Variants in FCRL5 observed in about 807,000 individuals in gnomAD.
FCRL5 encodes Fc receptor like 5.
FCRL5 carries 79 observed loss-of-function variants against 92.1 expected under a neutral mutation model. The ratio of observed to expected loss-of-function variants is 0.86; its 90% CI spans 0.72 to 1.03. The LOEUF is 1.03. Among genes scored for constraint, FCRL5 ranks in the 50% least tolerant of loss-of-function variants. The pLI, the probability that FCRL5 is intolerant of heterozygous loss-of-function variation, is 0.00. For missense variants in FCRL5, 1,160 were observed against 1,181.1 expected (o/e 0.98, Z 0.26); for synonymous variants, 466 against 469.3 (o/e 0.99, Z 0.09).
In FCRL5 at chr1:157,552,388, G is replaced by T; in HGVS notation, c.-26C>A. On this transcript the variant is annotated 5_prime_UTR_variant, in exon 1 of 17. Coordinates refer to ENST00000361835, the MANE Select transcript of FCRL5 (RefSeq NM_031281.3). ...GAAGACCTGGACCACCAAGGGCTGA[G>T]ATCAAAAGAGAAGTTTCCTCAATTC... is the stretch of plus-strand genomic sequence containing the variant. 6.2e-7 allele frequency: 1 copy of T among 1,613,846 alleles called. No homozygotes were observed. Among genetic ancestry groups the T allele is most frequent in the South Asian group, 1.1e-5 (1 of 91,068 alleles).
chr1:157,542,592 G>A lies in FCRL5; in HGVS notation c.1123+267C>T, dbSNP rs148405762. 8.3e-3 allele frequency: 3,719 copies of A among 446,332 alleles called. 27 individuals carry two copies. The highest frequency in any genetic ancestry group is 0.013 in the South Asian group (284 of 22,392). The allele number at this position is 446,332 out of a possible 1,614,324, so 27.6% of individuals were successfully genotyped here. A position where few individuals can be genotyped will look rare whatever the true frequency, so the allele number is the denominator to read the frequency against. On this transcript the variant is annotated intron_variant, in intron 6 of 16. Coordinates refer to ENST00000361835, the MANE Select transcript of FCRL5 (RefSeq NM_031281.3). ...GCCACAGGACAAGTGGAAAGCACAA[G>A]AAAAGCACTTGGCTTCTCAGAAATT...
chr1:157,543,523 G>A (rs1321953521), intron 5 of FCRL5, among the ~76,000 whole-genome samples: 2 of 152,188 alleles, frequency 1.3e-5, no homozygotes, highest in African/African-American at 2.4e-5. Context: ...ACTGAGTCAA[G>A]GAGAGACTAG....
intron 10 of FCRL5, chr1:157,522,710 C>G (rs1190693144): frequency 1.3e-5 from 2 of 152,202 alleles, no homozygotes; most frequent in Non-Finnish European, 2.9e-5. Flanking sequence ...ACAATTCATT[C>G]AGGCTGGGCA....
At chr1:157,522,374 T>C (rs1324429499) in intron 10 of FCRL5, 1 of 152,248 alleles carries the variant, frequency 6.6e-6, no homozygotes, top group Non-Finnish European at 1.5e-5. Context: ...ATCAGACTAA[T>C]GTGAAGAGTT....
intron 2 of FCRL5, 60 bp downstream of exon 2, chr1:157,549,500 T>A: frequency 6.7e-7 from 1 of 1,490,618 alleles, no homozygotes; most frequent in Non-Finnish European, 9.2e-7. Context: ...TGTTTTCTAT[T>A]TATTAGGAAG....
At position 157,534,627 on chromosome 1, in the gene FCRL5, G is replaced by A. The variant is rs1369420246; in HGVS notation, c.1668C>T (p.Ser556=). 1 of 1,614,034 alleles carries A rather than the reference G, an allele frequency of 6.2e-7. No homozygotes were observed. The highest frequency in any genetic ancestry group is 1.3e-5 in the African/African-American group (1 of 74,914). The stretch of plus-strand genomic sequence containing the variant: ...CCCAGCACTTACCAGTGACAAAAAG[G>A]CTCACCACTTCACTGCGCTGGGGAC... The part of the protein sequence containing the change: ...GFGPQRSEVV[S]LFVTVPVSRP... Residue 556 remains serine, a synonymous_variant, in exon 8 of 17, where the codon AGC becomes AGT. Coordinates refer to ENST00000361835, the MANE Select transcript of FCRL5 (RefSeq NM_031281.3).
intron 6 of FCRL5, among the ~76,000 whole-genome samples, chr1:157,541,666 A>T (rs1219639260): frequency 6.6e-6 from 1 of 152,206 alleles, no homozygotes; most frequent in East Asian, 1.9e-4. Context: ...ATGCCTTTCC[A>T]TCTGCTCCTG....
intron 5 of FCRL5, among the ~76,000 whole-genome samples, chr1:157,543,472 C>T (rs1053265329): frequency 1.3e-5 from 2 of 152,224 alleles, no homozygotes; most frequent in African/African-American, 4.8e-5. Context: ...CCTACTCTCT[C>T]CCTTGGCCCA....
intron 7 of FCRL5, 44 bp from the exon 8 acceptor site, chr1:157,534,936 A>C: frequency 1.3e-6 from 2 of 1,508,878 alleles, no homozygotes; most frequent in African/African-American, 1.4e-5. Flanking sequence ...TTTGCCTCTT[A>C]CTGTAGATTT....
chr1:157,539,993 G>A (rs1468648133), intron 6 of FCRL5, among the ~76,000 whole-genome samples: 3 of 152,208 alleles, frequency 2.0e-5, no homozygotes, highest in Non-Finnish European at 2.9e-5. Flanking sequence ...GCAGGGAGCT[G>A]AATCTGGGGC....
intron 3 of FCRL5, 81 bp downstream of exon 3, chr1:157,546,862 G>C: frequency 6.6e-7 from 1 of 1,518,628 alleles, no homozygotes; most frequent in Non-Finnish European, 8.9e-7. Context: ...TGAAGGGTCT[G>C]AGGTAAACAG....
At chr1:157,519,879 G>A in intron 12 of FCRL5, 109 bp from the exon 13 acceptor site, 2 of 1,142,038 alleles carry the variant, frequency 1.8e-6, no homozygotes, top group African/African-American at 1.5e-5. Context: ...GTCACTGAAG[G>A]TTGAATCCTT....
intron 11 of FCRL5, 65 bp downstream of exon 11, chr1:157,520,952 G>T: frequency 6.5e-7 from 1 of 1,529,208 alleles, no homozygotes; most frequent in Non-Finnish European, 8.8e-7. Flanking sequence ...CACTGTGAGG[G>T]TTATCAGAGG....
chr1:157,535,073 G>A (rs1348262676), intron 7 of FCRL5, among the ~76,000 whole-genome samples, 181 bp from the exon 8 acceptor site: 4 of 152,160 alleles, frequency 2.6e-5, no homozygotes, highest in East Asian at 1.9e-4. Context: ...TTCCCTATCT[G>A]TTCATCTTTC....
chr1:157,545,794 C>T (rs1443575749), intron 3 of FCRL5, among the ~76,000 whole-genome samples: 1 of 152,164 alleles, frequency 6.6e-6, no homozygotes, highest in African/African-American at 2.4e-5. Context: ...TTCCAAAGTG[C>T]TGGGATTACA....
chr1:157,548,536 T>G (rs992503458), intron 2 of FCRL5, among the ~76,000 whole-genome samples: 1 of 152,062 alleles, frequency 6.6e-6, no homozygotes, highest in Non-Finnish European at 1.5e-5. Flanking sequence ...ATCTACTCAT[T>G]TGACAAAGGG....
chr1:157,551,134 T>G (rs1651791304), intron 1 of FCRL5, among the ~76,000 whole-genome samples: 1 of 152,236 alleles, frequency 6.6e-6, no homozygotes, highest in Non-Finnish European at 1.5e-5. Flanking sequence ...TATAACCATG[T>G]CAATAATCCT....
chr1:157,519,959 A>G (rs935166063), intron 12 of FCRL5, among the ~76,000 whole-genome samples, 189 bp from the exon 13 acceptor site: 1 of 152,204 alleles, frequency 6.6e-6, no homozygotes, highest in Admixed American at 6.5e-5. Context: ...GTTTGCTATG[A>G]TGTGAAACGG....
intron 11 of FCRL5, among the ~76,000 whole-genome samples, 173 bp downstream of exon 11, chr1:157,520,844 C>A (rs1650148836): frequency 6.6e-6 from 1 of 152,370 alleles, no homozygotes. Flanking sequence ...GCGCTCTCAG[C>A]CCCAACGCCA....
Sources: allele counts gnomAD v4.1 joint callset (sites outside exome capture counted in the v4.1 genomes callset), GRCh38; gene constraint gnomAD v4.1.1; transcripts MANE v1.5; gene names NCBI Gene and HGNC (gene_info 2026-07-23, HGNC 2026-07-21).